The following CNTNAP3 variants were observed in gnomAD, a reference collection of about 807,000 sequenced individuals.
The protein encoded by CNTNAP3 is contactin associated protein family member 3.
In CNTNAP3, 36 loss-of-function variants were observed where a neutral mutation model predicts 92.1. The ratio of observed to expected loss-of-function variants is 0.39; its 90% CI spans 0.30 to 0.52. CNTNAP3 has a LOEUF of 0.52. CNTNAP3 is among the 20% of genes least tolerant of loss of function. The pLI is 0.76. For missense variants in CNTNAP3, 534 were observed against 1,069.6 expected, an observed-to-expected ratio of 0.50 and a Z score of 6.98; for synonymous variants, 232 against 422.3, an observed-to-expected ratio of 0.55 and a Z score of 5.53.
chr9:39,135,462 C>T (rs536478187), intron 12 of CNTNAP3, among the ~76,000 whole-genome samples: 1 of 152,164 alleles, frequency 6.6e-6, no homozygotes, highest in Admixed American at 6.5e-5. Flanking sequence ...ACACTGGAGG[C>T]TGTCTCACTA....
At chr9:39,159,067 T>C (rs1164498983) in intron 9 of CNTNAP3, 3 of 145,856 alleles carry the variant, frequency 2.1e-5, no homozygotes, top group African/African-American at 7.7e-5. Flanking sequence ...ACTTTACTTA[T>C]GCATATACAA....
intron 17 of CNTNAP3, among the ~76,000 whole-genome samples, chr9:39,100,603 T>G (rs1055641501): frequency 7.0e-6 from 1 of 141,864 alleles, no homozygotes; most frequent in Admixed American, 6.8e-5. Flanking sequence ...TAAAAATATA[T>G]ATGGATAATT....
intron 15 of CNTNAP3, among the ~76,000 whole-genome samples, chr9:39,108,374 T>C (rs1236267595): frequency 1.3e-5 from 2 of 152,122 alleles, no homozygotes; most frequent in Non-Finnish European, 2.9e-5. Flanking sequence ...TGCTTGGTAT[T>C]AGGGGATGGA....
intron 15 of CNTNAP3, among the ~76,000 whole-genome samples, chr9:39,108,953 T>C (rs2117906466): frequency 6.6e-6 from 1 of 152,180 alleles, no homozygotes; most frequent in Middle Eastern, 3.4e-3. Context: ...ACAAAGATGA[T>C]TCATTTTCTA....
chr9:39,125,317 T>A (rs1347038762), intron 13 of CNTNAP3, among the ~76,000 whole-genome samples: 9 of 151,800 alleles, frequency 5.9e-5, no homozygotes, highest in Non-Finnish European at 1.2e-4. Flanking sequence ...ATGAGAACAC[T>A]TGGACACAGG....
intron 13 of CNTNAP3, among the ~76,000 whole-genome samples, chr9:39,122,420 C>A (rs943192669): frequency 6.6e-6 from 1 of 151,838 alleles, no homozygotes; most frequent in African/African-American, 2.4e-5. Flanking sequence ...TCTTCCCGCA[C>A]CTTATCATCA....
At chr9:39,091,589 T>A (rs1193516137) in intron 18 of CNTNAP3, among the ~76,000 whole-genome samples, 1 of 151,972 alleles carries the variant, frequency 6.6e-6, no homozygotes, top group South Asian at 2.1e-4. Flanking sequence ...GTGACTGGAT[T>A]TGCTTTGGTA....
chr9:39,099,113 G>A (rs903732588), intron 18 of CNTNAP3, among the ~76,000 whole-genome samples: 16 of 151,762 alleles, frequency 1.1e-4, no homozygotes, highest in Non-Finnish European at 2.4e-4. Flanking sequence ...TAGCTGGGAT[G>A]CCCGGCTAAT....
intron 21 of CNTNAP3, among the ~76,000 whole-genome samples, chr9:39,083,811 C>G (rs1454358001): frequency 6.6e-6 from 1 of 151,766 alleles, no homozygotes; most frequent in East Asian, 1.9e-4. Flanking sequence ...TTTAAAGCTA[C>G]CTCTTGGATA....
intron 15 of CNTNAP3, among the ~76,000 whole-genome samples, chr9:39,108,715 G>A (rs1330651750): frequency 1.3e-5 from 2 of 152,078 alleles, no homozygotes; most frequent in Non-Finnish European, 2.9e-5. Context: ...CGAAAATGCT[G>A]CAGGAAAGAG....
intron 14 of CNTNAP3, among the ~76,000 whole-genome samples, chr9:39,110,281 A>G (rs1174246554): frequency 6.6e-6 from 1 of 152,246 alleles, no homozygotes; most frequent in Middle Eastern, 3.4e-3. Flanking sequence ...CTGTAGTCCC[A>G]GCTACATGGG....
At chr9:39,120,940 G>C (rs186755337) in intron 13 of CNTNAP3, among the ~76,000 whole-genome samples, 1 of 152,182 alleles carries the variant, frequency 6.6e-6, no homozygotes, top group South Asian at 2.1e-4. Context: ...ATGATATTTA[G>C]AAGTGGGGAA....
At chr9:39,130,395 C>T (rs987717104) in intron 13 of CNTNAP3, among the ~76,000 whole-genome samples, 3 of 149,930 alleles carry the variant, frequency 2.0e-5, no homozygotes, top group African/African-American at 7.4e-5. Context: ...ACAAAGAGTA[C>T]ATACTATATA....
chr9:39,103,251 T>C (rs1247314347), intron 16 of CNTNAP3, among the ~76,000 whole-genome samples: 1 of 152,294 alleles, frequency 6.6e-6, no homozygotes, highest in Admixed American at 6.5e-5. Flanking sequence ...TAATGGATTA[T>C]TACGTGCTTC....
chr9:39,136,178 T>C (rs1272515026), intron 12 of CNTNAP3, among the ~76,000 whole-genome samples: 1 of 150,010 alleles, frequency 6.7e-6, no homozygotes, highest in African/African-American at 2.5e-5. Flanking sequence ...ATAATAGTTG[T>C]ATGGGTACTT....
At chr9:39,108,504 T>C (rs979373354) in intron 15 of CNTNAP3, among the ~76,000 whole-genome samples, 8 of 152,144 alleles carry the variant, frequency 5.3e-5, no homozygotes, top group Admixed American at 1.3e-4. Flanking sequence ...TAAAAATACA[T>C]TTAGTCTCAG....
chr9:39,130,867 C>T (rs935333726), intron 13 of CNTNAP3, among the ~76,000 whole-genome samples: 6 of 151,098 alleles, frequency 4.0e-5, no homozygotes, highest in East Asian at 1.9e-4. Flanking sequence ...GTCAAGATTC[C>T]GGCTGTGATA....
intron 14 of CNTNAP3, among the ~76,000 whole-genome samples, chr9:39,110,267 A>G (rs543547270): frequency 0.014 from 2,178 of 152,148 alleles, 57 homozygotes; most frequent in African/African-American, 0.048. Flanking sequence ...GTGATGGTGC[A>G]CACCTGTAGT....
intron 23 of CNTNAP3, among the ~76,000 whole-genome samples, chr9:39,076,784 C>A (rs1427233687): frequency 2.0e-4 from 30 of 152,270 alleles, no homozygotes; most frequent in African/African-American, 7.2e-4. Flanking sequence ...CTGGCTAACA[C>A]GGTGAAACCC....
Sources: gnomAD v4.1 joint callset for allele counts (sites outside exome capture counted in the v4.1 genomes callset) on GRCh38, gnomAD v4.1.1 for gene constraint, MANE v1.5 for transcripts, NCBI Gene and HGNC (gene_info 2026-07-23, HGNC 2026-07-21) for gene names.